WDR17: variants seen among roughly 807,000 people sequenced by gnomAD.
WDR17 encodes the protein WD repeat domain 17.
WDR17 carries 143 observed loss-of-function variants against 161.7 expected under a neutral mutation model. The ratio of observed to expected loss-of-function variants is 0.88; its 90% CI spans 0.77 to 1.02. The LOEUF is 1.02. Ranked by LOEUF, WDR17 falls within the 50% of genes least tolerant of loss-of-function variation. The pLI is 0.00. For synonymous variants in WDR17, 517 were observed against 515.6 expected (o/e 1.00, Z -0.04); for missense variants, 1,469 against 1,520.9 (o/e 0.97, Z 0.57).
rs547313212 is a variant in WDR17 at position 176,158,885 on chromosome 4, GTC to G, written c.2526-1104_2526-1103del. Among the ~76,000 whole-genome samples, 440 of 152,266 alleles carry G rather than the reference GTC, an allele frequency of 2.9e-3. 4 individuals carry two copies. Among genetic ancestry groups the G allele is most frequent in the Non-Finnish European group, 3.3e-3 (226 of 68,012 alleles). ...ATCCAGCCATTCATCCAGATTGGCA[GTC>G]TCTCAATCATAGTTTCAAATGCCCA... On this transcript the variant is annotated intron_variant, in intron 18 of 28. Coordinates refer to ENST00000508596, the MANE Select transcript of WDR17 (RefSeq NM_181265.4).
chr4:176,069,900 A>G (rs1382585808), intron 1 of WDR17, among the ~76,000 whole-genome samples: 7 of 152,214 alleles, frequency 4.6e-5, no homozygotes, highest in Non-Finnish European at 8.8e-5. Context: ...CTAACATTTA[A>G]TTAAGTTTGA....
intron 2 of WDR17, among the ~76,000 whole-genome samples, chr4:176,115,126 G>T (rs6815166): frequency 6.6e-4 from 100 of 151,962 alleles, no homozygotes; most frequent in African/African-American, 2.2e-3. Flanking sequence ...ACTGTGAAAG[G>T]CTCATTATAT....
At chr4:176,066,318 T>C (rs530256715) in intron 1 of WDR17, among the ~76,000 whole-genome samples, 2 of 152,348 alleles carry the variant, frequency 1.3e-5, no homozygotes, top group South Asian at 4.1e-4. Context: ...TTTATGTATC[T>C]AAACTACCAT....
chr4:176,152,329 G>A (rs1348545314), intron 17 of WDR17, among the ~76,000 whole-genome samples: 1 of 126,766 alleles, frequency 7.9e-6, no homozygotes, highest in African/African-American at 2.7e-5. Flanking sequence ...GAGCGTGGTG[G>A]CTCACGCCTG....
chr4:176,083,820 T>G (rs1244637790), intron 1 of WDR17, among the ~76,000 whole-genome samples: 1 of 152,138 alleles, frequency 6.6e-6, no homozygotes, highest in African/African-American at 2.4e-5. Context: ...TCAGTTACTC[T>G]GCACTGTCGC....
At chr4:176,073,950 T>C (rs1733604308) in intron 1 of WDR17, among the ~76,000 whole-genome samples, 2 of 150,152 alleles carry the variant, frequency 1.3e-5, no homozygotes, top group Admixed American at 6.6e-5. Context: ...TTTGATGGGG[T>C]TGTTTTTTTC....
intron 5 of WDR17, among the ~76,000 whole-genome samples, chr4:176,126,504 C>T (rs1742467133): frequency 6.6e-6 from 1 of 152,136 alleles, no homozygotes; most frequent in Non-Finnish European, 1.5e-5. Flanking sequence ...AGTGACGCCA[C>T]CCTGTATCTG....
chr4:176,163,340 A>G (rs941276026), intron 22 of WDR17, 47 bp downstream of exon 22: 2 of 1,557,152 alleles, frequency 1.3e-6, no homozygotes, highest in African/African-American at 1.4e-5. Flanking sequence ...GATGGAATAC[A>G]TTTTTAAAAC....
In WDR17 at chr4:176,103,518, G is replaced by A. The variant is rs73018040; in HGVS notation, c.-6-8057G>A. Among the ~76,000 whole-genome samples, 919 of 151,938 alleles carry A rather than the reference G, an allele frequency of 6.0e-3. 11 individuals carry two copies. Among genetic ancestry groups the A allele is most frequent in the African/African-American group, 0.02 (849 of 41,446 alleles). Reference sequence around the variant, plus strand: ...CAAAGACTTTAAAACAACTGTCTTGGGATGCTTAAAAACTAAAGGAGATAT... The same window carrying A: ...CAAAGACTTTAAAACAACTGTCTTGAGATGCTTAAAAACTAAAGGAGATAT... On this transcript the variant is annotated intron_variant, in intron 1 of 28. Transcript: ENST00000508596.
intron 7 of WDR17, 141 bp downstream of exon 7, chr4:176,131,879 C>A: frequency 1.5e-6 from 1 of 668,168 alleles, no homozygotes. Context: ...CTGGTTGAAA[C>A]ATTTTAGAAA....
intron 11 of WDR17, among the ~76,000 whole-genome samples, chr4:176,144,992 C>T (rs567364385): frequency 7.4e-4 from 112 of 152,196 alleles, no homozygotes; most frequent in African/African-American, 2.6e-3. Flanking sequence ...ATGTAATCTG[C>T]ACATTTGCAG....
intron 1 of WDR17, among the ~76,000 whole-genome samples, chr4:176,073,496 G>T (rs991814674): frequency 2.6e-5 from 4 of 151,596 alleles, no homozygotes; most frequent in African/African-American, 9.7e-5. Flanking sequence ...TCTTAATCCA[G>T]TCTATCATTG....
At chr4:176,133,251 C>T (rs1464428702) in intron 7 of WDR17, among the ~76,000 whole-genome samples, 1 of 78,762 alleles carries the variant, frequency 1.3e-5, no homozygotes, top group African/African-American at 5.1e-5. Context: ...CCTTGGTCTC[C>T]TCTCTCTAAA....
At chr4:176,079,396 G>A (rs1278614475) in intron 1 of WDR17, among the ~76,000 whole-genome samples, 1 of 152,126 alleles carries the variant, frequency 6.6e-6, no homozygotes, top group African/African-American at 2.4e-5. Context: ...TAATCAGTAA[G>A]TAATGAAATG....
intron 1 of WDR17, among the ~76,000 whole-genome samples, chr4:176,070,618 A>G (rs949520586): frequency 4.6e-5 from 7 of 151,658 alleles, no homozygotes; most frequent in African/African-American, 1.2e-4. Context: ...GGCTCAATCA[A>G]TCCCCCCACA....
rs757572070 is a variant in WDR17 at position 176,150,180 on chromosome 4, A to C, written c.2178+7A>C. ...GTTCTCAGAATGTTTATCTGTAAGT[A>C]TTACAGGAATTAAATGCGAATATTT... On this transcript the variant is annotated splice_region_variant and intron_variant, in intron 15 of 28. Coordinates refer to ENST00000508596, the MANE Select transcript of WDR17 (RefSeq NM_181265.4). 11 of 1,609,170 alleles carry C rather than the reference A, an allele frequency of 6.8e-6. No homozygotes were observed. The South Asian group carries it at 1.1e-4, about 16-fold the overall frequency.
chr4:176,090,257 A>T (rs537221518), intron 1 of WDR17, among the ~76,000 whole-genome samples: 2,867 of 118,384 alleles, frequency 0.024, 45 homozygotes, highest in Non-Finnish European at 0.031. Context: ...TGGTTGTTTT[A>T]AAAAAAAAAA....
rs77008421 is a variant in WDR17 at position 176,095,958 on chromosome 4, A to C, written c.-6-15617A>C. On this transcript the variant is annotated intron_variant, in intron 1 of 28. Coordinates refer to ENST00000508596, the MANE Select transcript of WDR17 (RefSeq NM_181265.4). ...TGTTGAACGTATTAGCACTGTATTA[A>C]ATGGTGTCTTTAAACTTTTTGACGG... is the stretch of plus-strand genomic sequence containing the variant. 3.4e-3 allele frequency among the ~76,000 whole-genome samples: 521 copies of C among 152,244 alleles called. 2 individuals are homozygous for C. Among genetic ancestry groups the C allele is most frequent in the African/African-American group, 0.012 (501 of 41,562 alleles).
At chr4:176,077,541 C>T (rs549560039) in intron 1 of WDR17, among the ~76,000 whole-genome samples, 18 of 152,100 alleles carry the variant, frequency 1.2e-4, no homozygotes, top group Admixed American at 7.2e-4. Context: ...ATTAAAATGT[C>T]GCTGATGCTG....
Sources: allele counts gnomAD v4.1 joint callset (sites outside exome capture counted in the v4.1 genomes callset), GRCh38; gene constraint gnomAD v4.1.1; transcripts MANE v1.5; gene names NCBI Gene and HGNC (gene_info 2026-07-23, HGNC 2026-07-21).